Variants in KCNQ3 observed in about 807,000 individuals in gnomAD.
KCNQ3 encodes potassium voltage-gated channel subfamily KQT member 3.
A neutral mutation model predicts 92.5 loss-of-function variants in KCNQ3; 30 were observed. The observed-to-expected ratio is 0.32, with a 90% CI of 0.24 to 0.44. The LOEUF is 0.44. KCNQ3 is among the 20% of genes least tolerant of loss of function. KCNQ3 has a pLI of 1.00. For synonymous variants in KCNQ3, 450 were observed against 468.8 expected, an observed-to-expected ratio of 0.96 and a Z score of 0.52; for missense variants, 913 against 1,140.3, an observed-to-expected ratio of 0.80 and a Z score of 2.87.
intron 1 of KCNQ3, among the ~76,000 whole-genome samples, chr8:132,204,630 C>A (rs1173393773): frequency 6.6e-6 from 1 of 152,158 alleles, no homozygotes; most frequent in Non-Finnish European, 1.5e-5. Context: ...GGCATTTGGG[C>A]AACTTGATTT....
intron 1 of KCNQ3, among the ~76,000 whole-genome samples, chr8:132,359,601 G>A (rs1819110824): frequency 6.6e-6 from 1 of 152,156 alleles, no homozygotes; most frequent in Non-Finnish European, 1.5e-5. Context: ...TCCAGAAAGA[G>A]AGTCCTTGGG....
At chr8:132,328,531 C>A (rs1287512143) in intron 1 of KCNQ3, among the ~76,000 whole-genome samples, 3 of 152,084 alleles carry the variant, frequency 2.0e-5, no homozygotes, top group Admixed American at 1.3e-4. Flanking sequence ...TGAGCTGGCG[C>A]AAGTGATTTA....
At chr8:132,322,054 C>T (rs1280199835) in intron 1 of KCNQ3, among the ~76,000 whole-genome samples, 5 of 151,978 alleles carry the variant, frequency 3.3e-5, no homozygotes, top group Middle Eastern at 3.4e-3. Flanking sequence ...AGAAGGAGAG[C>T]GGAGAAAAGA....
Position 132,124,315 on chromosome 8 carries a change from C to T in KCNQ3, c.*4947G>A, listed in dbSNP as rs140565364. ...GTAAATTTAGAGTTTATAAGTAACA[C>T]CAAAGACTGAGACAATGAAGTCCAT... On this transcript the variant is annotated 3_prime_UTR_variant, in exon 15 of 15. Coordinates refer to ENST00000388996, the MANE Select transcript of KCNQ3 (RefSeq NM_004519.4). 21 of 152,080 alleles carry T rather than the reference C, an allele frequency of 1.4e-4. No homozygotes were observed. Among genetic ancestry groups the T allele is most frequent in the Admixed American group, 3.3e-4 (5 of 15,266 alleles). 9.4% of individuals were successfully genotyped at this position (152,080 alleles called of 1,614,324 possible). A position where few individuals can be genotyped will look rare whatever the true frequency, so the allele number is the denominator to read the frequency against.
At chr8:132,227,048 A>C (rs987561247) in intron 1 of KCNQ3, among the ~76,000 whole-genome samples, 1 of 149,642 alleles carries the variant, frequency 6.7e-6, no homozygotes, top group African/African-American at 2.5e-5. Flanking sequence ...AGTACTTAAA[A>C]CATATCTCAC....
chr8:132,146,630 G>A (rs1488277652), intron 9 of KCNQ3, among the ~76,000 whole-genome samples: 2 of 148,596 alleles, frequency 1.3e-5, no homozygotes, highest in Admixed American at 1.3e-4. Context: ...TCTACACTCT[G>A]TCATCCAGGC....
chr8:132,401,574 C>T (rs1402531896), intron 1 of KCNQ3, among the ~76,000 whole-genome samples: 3 of 152,146 alleles, frequency 2.0e-5, no homozygotes, highest in African/African-American at 7.2e-5. Context: ...TGGGTTTTCA[C>T]CATGTTGGCC....
chr8:132,343,968 A>G (rs1270946612), intron 1 of KCNQ3, among the ~76,000 whole-genome samples: 1 of 152,242 alleles, frequency 6.6e-6, no homozygotes, highest in Non-Finnish European at 1.5e-5. Flanking sequence ...GATGAAAGAT[A>G]TTCAGATAAG....
At chr8:132,272,815 G>C (rs1310995034) in intron 1 of KCNQ3, among the ~76,000 whole-genome samples, 1 of 152,044 alleles carries the variant, frequency 6.6e-6, no homozygotes, top group African/African-American at 2.4e-5. Flanking sequence ...ATTTGGGTGG[G>C]GAAACAGCCA....
intron 1 of KCNQ3, among the ~76,000 whole-genome samples, chr8:132,304,760 T>C (rs1817363632): frequency 6.6e-6 from 1 of 152,116 alleles, no homozygotes. Flanking sequence ...AAAGTCACCT[T>C]GCATATTGTT....
At chr8:132,172,397 TACACACACACACAC>T (rs35831322) in intron 7 of KCNQ3, among the ~76,000 whole-genome samples, 187 bp downstream of exon 7, 7 of 140,392 alleles carry the variant, frequency 5.0e-5, no homozygotes, top group East Asian at 2.1e-4. Context: ...GGCACATTAA[TACACACACACACAC>T]ACACACACAC....
chr8:132,399,839 G>A (rs996086319), intron 1 of KCNQ3, among the ~76,000 whole-genome samples: 4 of 152,158 alleles, frequency 2.6e-5, no homozygotes, highest in South Asian at 2.1e-4. Context: ...CTGTAAAACG[G>A]AAACACTAGG....
At chr8:132,301,325 A>T (rs1232595647) in intron 1 of KCNQ3, among the ~76,000 whole-genome samples, 1 of 152,026 alleles carries the variant, frequency 6.6e-6, no homozygotes, top group Non-Finnish European at 1.5e-5. Flanking sequence ...CCTGTTGGCT[A>T]TGAAATGAAC....
intron 1 of KCNQ3, among the ~76,000 whole-genome samples, chr8:132,219,141 C>A (rs1359274148): frequency 6.6e-6 from 1 of 152,154 alleles, no homozygotes; most frequent in Non-Finnish European, 1.5e-5. Context: ...TTATCTGTTT[C>A]TAAAGTGTTT....
At chr8:132,156,351 G>C (rs1825794908) in intron 9 of KCNQ3, among the ~76,000 whole-genome samples, 1 of 152,006 alleles carries the variant, frequency 6.6e-6, no homozygotes, top group Non-Finnish European at 1.5e-5. Context: ...AGAGCACACA[G>C]CTAATTACAA....
At chr8:132,473,768 CCT>C (rs1299507517) in intron 1 of KCNQ3, among the ~76,000 whole-genome samples, 2 of 152,184 alleles carry the variant, frequency 1.3e-5, no homozygotes. Flanking sequence ...ATTTATCTTA[CCT>C]CCAAATTGGG....
chr8:132,140,183 G>A lies in KCNQ3; in HGVS notation c.1466-5C>T. 1 of 1,609,066 alleles carries A rather than the reference G, an allele frequency of 6.2e-7. No individual in the cohort carries two copies. Among genetic ancestry groups the A allele is most frequent in the South Asian group, 1.1e-5 (1 of 90,932 alleles). ...TGGGGTCACCTGTCCCGGCATCTGG[G>A]AGGGAGACACACATATGAACGGCAG... On this transcript the variant is annotated splice_polypyrimidine_tract_variant and splice_region_variant and intron_variant, in intron 10 of 14. Coordinates refer to ENST00000388996, the MANE Select transcript of KCNQ3 (RefSeq NM_004519.4).
rs546428650 is a variant in KCNQ3 at position 132,466,949 on chromosome 8, C to T, written c.386+13198G>A. Among the ~76,000 whole-genome samples, 16 of 152,272 alleles carry T rather than the reference C, an allele frequency of 1.1e-4. No individual in the cohort carries two copies. The East Asian group carries it at 2.5e-3, about 24-fold the overall frequency. ...AACTGTGTGGTAAATAAACCACGTG[C>T]CCTGAGCCCCCTGGCTCAGTGTCGG... On this transcript the variant is annotated intron_variant, in intron 1 of 14. Coordinates refer to ENST00000388996, the MANE Select transcript of KCNQ3 (RefSeq NM_004519.4).
At chr8:132,259,623 A>G (rs947786873) in intron 1 of KCNQ3, among the ~76,000 whole-genome samples, 1 of 152,172 alleles carries the variant, frequency 6.6e-6, no homozygotes, top group African/African-American at 2.4e-5. Flanking sequence ...TCACATTTCT[A>G]TTCGACTTTG....
Sources: gnomAD v4.1 joint callset for allele counts (sites outside exome capture counted in the v4.1 genomes callset) on GRCh38, gnomAD v4.1.1 for gene constraint, MANE v1.5 for transcripts, NCBI Gene and HGNC (gene_info 2026-07-23, HGNC 2026-07-21) for gene names.